DNAAF6: variants seen among roughly 807,000 people sequenced by gnomAD.
The protein encoded by DNAAF6 is PIH1 domain containing 3.
A neutral mutation model predicts 13.7 loss-of-function variants in DNAAF6; 3 were observed. That is an observed-to-expected ratio of 0.22 (90% CI 0.10 to 0.56). The LOEUF (loss-of-function observed/expected upper bound fraction) is 0.56, where lower values mean the gene tolerates loss of function less well. Among genes scored for constraint, DNAAF6 ranks in the 20% least tolerant of loss-of-function variants. The pLI is 0.92. For synonymous variants in DNAAF6, 54 were observed against 49.2 expected, an observed-to-expected ratio of 1.10 and a Z score of -0.41; for missense variants, 130 against 151.0, an observed-to-expected ratio of 0.86 and a Z score of 0.73.
chrX:107,208,366 G>A (rs1302220009), intron 1 of DNAAF6, among the ~76,000 whole-genome samples: 1 of 109,158 alleles, frequency 9.2e-6, no homozygotes, highest in African/African-American at 3.3e-5. Context: ...CAGGGAGGTC[G>A]AGGCTGCAGT....
chrX:107,227,992 T>C (rs1433904232), intron 5 of DNAAF6, among the ~76,000 whole-genome samples: 1 of 111,444 alleles, frequency 9.0e-6, no homozygotes, highest in Non-Finnish European at 1.9e-5. Flanking sequence ...GATGATGTCA[T>C]TTTGAGGTTT....
chrX:107,224,766 G>A (rs1029615460), intron 5 of DNAAF6, among the ~76,000 whole-genome samples: 1 of 109,839 alleles, frequency 9.1e-6, no homozygotes, highest in Non-Finnish European at 1.9e-5. Flanking sequence ...AACTGAGGGA[G>A]TACAATTGGA....
Position 107,213,038 on chromosome X carries a change from T to C in DNAAF6, c.153+10T>C, listed in dbSNP as rs376397712. The C allele has an allele frequency of 2.1e-5, 25 of 1,165,603 alleles. No homozygotes were observed. In the African/African-American group the frequency reaches 3.4e-4, roughly 16 times the overall value. ...TTCTGACTATGGACAGGTGGTCATA[T>C]ACTTAACAGTTGAATTAGTTTTGTT... On this transcript the variant is annotated intron_variant, in intron 2 of 6. Coordinates refer to ENST00000372453, the MANE Select transcript of DNAAF6 (RefSeq NM_173494.2).
At position 107,238,601 on chromosome X, in the gene DNAAF6, C is replaced by T. The variant is rs770756211; in HGVS notation, c.430-321C>T. On this transcript the variant is annotated intron_variant, in intron 5 of 6. Coordinates refer to ENST00000372453, the MANE Select transcript of DNAAF6 (RefSeq NM_173494.2). Reference sequence around the variant, plus strand: ...GGCAGTTGAAGGTCCCCAACTCTAACAGGTGTACTACTATGTACCTTCAGA... The same window carrying T: ...GGCAGTTGAAGGTCCCCAACTCTAATAGGTGTACTACTATGTACCTTCAGA... Among the ~76,000 whole-genome samples, 10 of 111,811 alleles carry T rather than the reference C, an allele frequency of 8.9e-5. No homozygotes were observed. In the South Asian group the frequency reaches 3.8e-3, roughly 42 times the overall value.
intron 3 of DNAAF6, among the ~76,000 whole-genome samples, chrX:107,217,586 T>C (rs894736296): frequency 3.6e-5 from 4 of 112,248 alleles, no homozygotes; most frequent in Non-Finnish European, 7.5e-5. Flanking sequence ...CTAAATAATA[T>C]TTTTACATTT....
intron 1 of DNAAF6, among the ~76,000 whole-genome samples, chrX:107,209,132 G>A (rs902883053): frequency 9.0e-6 from 1 of 111,037 alleles, no homozygotes. Context: ...AAAGCAGAAA[G>A]CAATTAGTCA....
chrX:107,229,159 A>T (rs1445047215), intron 5 of DNAAF6, among the ~76,000 whole-genome samples: 3 of 39,274 alleles, frequency 7.6e-5, no homozygotes, highest in African/African-American at 3.2e-4. Context: ...TTTTTTTGAG[A>T]CAGAGTCCCG....
intron 6 of DNAAF6, among the ~76,000 whole-genome samples, chrX:107,240,814 G>C (rs763619464): frequency 1.8e-5 from 2 of 111,581 alleles, no homozygotes; most frequent in African/African-American, 6.5e-5. Flanking sequence ...ATTTTTCTAA[G>C]TGAATTCTAA....
At chrX:107,239,269 A>G (rs1006437487) in intron 6 of DNAAF6, among the ~76,000 whole-genome samples, 6 of 111,890 alleles carry the variant, frequency 5.4e-5, no homozygotes, top group Admixed American at 3.8e-4. Flanking sequence ...GATGCAGTTT[A>G]TCTATCAGAA....
chrX:107,241,695 T>C (rs1928627196), intron 6 of DNAAF6, among the ~76,000 whole-genome samples: 1 of 111,912 alleles, frequency 8.9e-6, no homozygotes. Context: ...CGAAAATATT[T>C]CCCTTCTCCT....
At chrX:107,223,621 AT>A (rs1208479750) in intron 5 of DNAAF6, among the ~76,000 whole-genome samples, 6 of 110,995 alleles carry the variant, frequency 5.4e-5, no homozygotes, top group Non-Finnish European at 1.1e-4. Flanking sequence ...CTTTGCTTCT[AT>A]TTTTTTTCCT....
At chrX:107,206,915 A>T (rs1310148226) in intron 1 of DNAAF6, among the ~76,000 whole-genome samples, 1 of 111,373 alleles carries the variant, frequency 9.0e-6, no homozygotes, top group African/African-American at 3.3e-5. Context: ...CTTTAACAAA[A>T]CTCGGTTTTA....
intron 1 of DNAAF6, among the ~76,000 whole-genome samples, chrX:107,208,059 C>G (rs1006676845): frequency 9.0e-6 from 1 of 111,138 alleles, no homozygotes; most frequent in African/African-American, 3.3e-5. Context: ...CTGAAATGTA[C>G]TATAGAGCAT....
At chrX:107,242,202 A>T (rs190483442) in intron 6 of DNAAF6, among the ~76,000 whole-genome samples, 110 of 112,250 alleles carry the variant, frequency 9.8e-4, no homozygotes, top group African/African-American at 3.4e-3. Flanking sequence ...TTCAGGTTCC[A>T]TAAATGTGTA....
intron 4 of DNAAF6, among the ~76,000 whole-genome samples, chrX:107,222,380 G>A (rs904498542): frequency 1.2e-4 from 13 of 111,591 alleles, no homozygotes; most frequent in Non-Finnish European, 2.1e-4. Context: ...CCTAGGTTAT[G>A]GACTCAGTAT....
Position 107,238,958 on chromosome X carries a change from A to G in DNAAF6, c.466A>G (p.Ile156Val). Residue 156 changes from isoleucine (I) to valine (V), a missense_variant, in exon 6 of 7, where the codon ATT (isoleucine) becomes GTT (valine). By Grantham distance (29) the Ile-to-Val change is conservative. Transcript: ENST00000372453. The stretch of plus-strand genomic sequence containing the variant: ...ATTGCCAAATACAAACCCTTCTGAT[A>G]TTCAAATTGATATCCAGGAAACAAT... ...IKLPNTNPSD[I>V]QIDIQETILD... is the part of the protein sequence containing the mutation. 3 of 1,210,521 alleles carry G rather than the reference A, an allele frequency of 2.5e-6. No individual in the cohort carries two copies. The highest frequency in any genetic ancestry group is 3.4e-6 in the Non-Finnish European group (3 of 895,033).
chrX:107,230,367 A>G (rs1460111061), intron 5 of DNAAF6, among the ~76,000 whole-genome samples: 2 of 111,749 alleles, frequency 1.8e-5, no homozygotes, highest in African/African-American at 3.3e-5. Flanking sequence ...CTTTCCACAC[A>G]GAGTGTAAGA....
chrX:107,241,869 A>G (rs867093051), intron 6 of DNAAF6, among the ~76,000 whole-genome samples: 1 of 111,941 alleles, frequency 8.9e-6, no homozygotes, highest in South Asian at 3.7e-4. Flanking sequence ...GCACATTATC[A>G]TTGGAACTCC....
intron 6 of DNAAF6, among the ~76,000 whole-genome samples, chrX:107,241,245 T>C (rs748402525): frequency 8.9e-6 from 1 of 112,275 alleles, no homozygotes; most frequent in East Asian, 2.8e-4. Context: ...TGTAAGTCTC[T>C]AAACTTGAGT....
Sources: gnomAD v4.1 joint callset for allele counts (sites outside exome capture counted in the v4.1 genomes callset) on GRCh38, gnomAD v4.1.1 for gene constraint, MANE v1.5 for transcripts, NCBI Gene and HGNC (gene_info 2026-07-23, HGNC 2026-07-21) for gene names.